The following GSG1L variants were observed in gnomAD, a reference collection of about 807,000 sequenced individuals.
GSG1L encodes the protein GSG1 like.
GSG1L carries 24 observed loss-of-function variants against 42.1 expected under a neutral mutation model. That is an observed-to-expected ratio of 0.57 (90% CI 0.41 to 0.80). The LOEUF (loss-of-function observed/expected upper bound fraction) is 0.80. Ranked by LOEUF, GSG1L falls within the 30% of genes least tolerant of loss-of-function variation. GSG1L has a pLI of 0.00. For missense variants in GSG1L, 445 were observed against 472.2 expected (o/e 0.94, Z 0.53); for synonymous variants, 215 against 203.5 (o/e 1.06, Z -0.48).
intron 3 of GSG1L, among the ~76,000 whole-genome samples, chr16:27,849,540 A>T (rs936991730): frequency 2.6e-5 from 4 of 151,834 alleles, no homozygotes; most frequent in Non-Finnish European, 4.4e-5. Flanking sequence ...TTGTTTGTTT[A>T]CTTTTGTTTT....
intron 1 of GSG1L, among the ~76,000 whole-genome samples, chr16:28,036,049 A>T (rs913250194): frequency 3.9e-5 from 6 of 152,190 alleles, no homozygotes; most frequent in Non-Finnish European, 8.8e-5. Flanking sequence ...GCTTGAAAAA[A>T]GTTATTCTTC....
intron 2 of GSG1L, among the ~76,000 whole-genome samples, chr16:27,955,860 G>A (rs191198958): frequency 7.4e-6 from 1 of 135,594 alleles, no homozygotes; most frequent in East Asian, 2.2e-4. Flanking sequence ...GGGGCTGCAG[G>A]TCAAAAGACT....
In GSG1L at chr16:27,884,731, A is replaced by G; in HGVS notation, c.398-93T>C. 3.9e-6 allele frequency: 5 copies of G among 1,273,102 alleles called. 1 individual carries two copies. The highest frequency in any genetic ancestry group is 5.4e-6 in the Non-Finnish European group (5 of 925,678). 78.9% of individuals were successfully genotyped at this position (1,273,102 alleles called of 1,614,324 possible). A position where few individuals can be genotyped will look rare whatever the true frequency, so the allele number is the denominator to read the frequency against. ...TCCTCCCACAACAGCAGAGGGTAGC[A>G]AGTCATTCTAGAATAGAACCTGGTT... On this transcript the variant is annotated intron_variant, in intron 2 of 6. Transcript: ENST00000447459. The surrounding 1 kb of genome is among the most constrained non-coding windows in gnomAD (Gnocchi z 4.4).
intron 2 of GSG1L, among the ~76,000 whole-genome samples, chr16:27,889,848 A>G (rs913170111): frequency 1.3e-5 from 2 of 152,196 alleles, no homozygotes; most frequent in Non-Finnish European, 2.9e-5. Flanking sequence ...CCTCTAGATA[A>G]TCTGATCTTA....
chr16:27,911,821 C>A (rs1567515832), intron 2 of GSG1L, among the ~76,000 whole-genome samples: 1 of 152,166 alleles, frequency 6.6e-6, no homozygotes, highest in Non-Finnish European at 1.5e-5. Context: ...ACAGCCTCAG[C>A]CCCGCTTTAC....
chr16:27,939,447 A>G (rs1246207265), intron 2 of GSG1L, among the ~76,000 whole-genome samples: 1 of 152,232 alleles, frequency 6.6e-6, no homozygotes, highest in Middle Eastern at 3.4e-3. Flanking sequence ...CAAGTTAACT[A>G]CAGTGGGATG....
At chr16:27,844,126 C>A (rs1179351569) in intron 4 of GSG1L, among the ~76,000 whole-genome samples, 1 of 152,166 alleles carries the variant, frequency 6.6e-6, no homozygotes, top group Non-Finnish European at 1.5e-5. Flanking sequence ...TTTCCATGAA[C>A]CAATGTATGA....
At chr16:27,888,487 C>CT in intron 2 of GSG1L, among the ~76,000 whole-genome samples, 1 of 13,128 alleles carries the variant, frequency 7.6e-5, no homozygotes. Flanking sequence ...TCTTTCCTTT[C>CT]TTTCTTTCTT....
At chr16:27,929,120 A>C (rs1226209418) in intron 2 of GSG1L, among the ~76,000 whole-genome samples, 3 of 152,210 alleles carry the variant, frequency 2.0e-5, no homozygotes, top group Non-Finnish European at 4.4e-5. Flanking sequence ...CTCCCCAGGT[A>C]GTTCCAAGGG....
chr16:27,811,764 T>C (rs2083034194), intron 5 of GSG1L, among the ~76,000 whole-genome samples: 1 of 152,228 alleles, frequency 6.6e-6, no homozygotes, highest in Non-Finnish European at 1.5e-5. Context: ...TTCTCCTGCC[T>C]CAGCCTCCCA....
At chr16:28,011,091 G>T (rs1567555073) in intron 1 of GSG1L, among the ~76,000 whole-genome samples, 1 of 152,214 alleles carries the variant, frequency 6.6e-6, no homozygotes, top group Non-Finnish European at 1.5e-5. Context: ...CCAGATGGCT[G>T]TTTAGAAAAG....
At chr16:28,008,563 C>A (rs911499066) in intron 1 of GSG1L, among the ~76,000 whole-genome samples, 2 of 152,174 alleles carry the variant, frequency 1.3e-5, no homozygotes, top group Non-Finnish European at 2.9e-5. Flanking sequence ...TGCCTCCCCT[C>A]TCACTCCCTT....
At chr16:27,889,108 G>A (rs1189186798) in intron 2 of GSG1L, among the ~76,000 whole-genome samples, 4 of 151,546 alleles carry the variant, frequency 2.6e-5, no homozygotes, top group Admixed American at 6.6e-5. Flanking sequence ...CTCAGCCTCC[G>A]TAGTAGTTGT....
rs546243532 is a variant in GSG1L, at chr16:27,921,664, T to C, written c.398-37026A>G. On this transcript the variant is annotated intron_variant, in intron 2 of 6. Coordinates refer to ENST00000447459, the MANE Select transcript of GSG1L (RefSeq NM_001109763.2). Reference sequence around the variant, plus strand: ...AGCTTTCTCAATTGTGCCCCAGTTCTTATAACCTGGCTTCCTGCTCAGTTA... The same window carrying C: ...AGCTTTCTCAATTGTGCCCCAGTTCCTATAACCTGGCTTCCTGCTCAGTTA... 3.5e-4 allele frequency among the ~76,000 whole-genome samples: 54 copies of C among 152,338 alleles called. 1 individual carries two copies. Among genetic ancestry groups the C allele is most frequent in the African/African-American group, 1.2e-3 (49 of 41,586 alleles).
chr16:28,012,362 A>T (rs1213166543), intron 1 of GSG1L, among the ~76,000 whole-genome samples: 1 of 151,758 alleles, frequency 6.6e-6, no homozygotes, highest in East Asian at 1.9e-4. Flanking sequence ...CAATGCTGAA[A>T]CTCACTTGCT....
chr16:27,807,155 C>T (rs1776389772), intron 6 of GSG1L, among the ~76,000 whole-genome samples: 2 of 152,206 alleles, frequency 1.3e-5, no homozygotes, highest in Non-Finnish European at 2.9e-5. Context: ...CTCCCTGCCT[C>T]GGCTCCTTCT....
chr16:27,885,267 A>G (rs1021943767), intron 2 of GSG1L, among the ~76,000 whole-genome samples: 2 of 152,020 alleles, frequency 1.3e-5, no homozygotes, highest in Non-Finnish European at 2.9e-5. Context: ...CTACCACCTC[A>G]GCCTCTCACG....
At chr16:27,991,716 T>C (rs931764258) in intron 1 of GSG1L, among the ~76,000 whole-genome samples, 4 of 152,152 alleles carry the variant, frequency 2.6e-5, no homozygotes, top group African/African-American at 9.7e-5. Context: ...ATATTTCTAC[T>C]ATTCAAATTA....
chr16:27,819,567 G>A (rs569503820), intron 5 of GSG1L, among the ~76,000 whole-genome samples: 9 of 152,336 alleles, frequency 5.9e-5, no homozygotes, highest in East Asian at 1.9e-4. Flanking sequence ...CGGAGGAGAC[G>A]GTGGGGAAGG....
Sources: gnomAD v4.1 joint callset for allele counts (sites outside exome capture counted in the v4.1 genomes callset) on GRCh38, gnomAD v4.1.1 for gene constraint, Gnocchi (gnomAD v3.1) non-coding constraint, MANE v1.5 for transcripts, NCBI Gene and HGNC (gene_info 2026-07-23, HGNC 2026-07-21) for gene names.